The following CIMIP5 variants were observed in gnomAD, a reference collection of about 807,000 sequenced individuals.
CIMIP5 encodes the protein ciliary microtubule inner protein 5, also known as uncharacterized protein C2orf50.
chr2:11,133,280 GGT>G, the CIMIP5 span: 1 of 1,282,336 alleles, frequency 7.8e-7, no homozygotes, highest in Non-Finnish European at 1.0e-6. Context: ...CTCAGGCACA[GGT>G]CTCTCTCTCT....
At chr2:11,154,040 G>A in the CIMIP5 span, among the ~76,000 whole-genome samples, 1 of 152,026 alleles carries the variant, frequency 6.6e-6, no homozygotes, top group Admixed American at 6.5e-5. Context: ...GAAGTGGCGC[G>A]ATCTCGACTC....
the CIMIP5 span, chr2:11,133,204 G>A: frequency 4.4e-6 from 5 of 1,143,702 alleles, no homozygotes; most frequent in Non-Finnish European, 4.7e-6. Context: ...ACAGTGAGGA[G>A]GACCCTGCCC....
chr2:11,151,390 G>C, the CIMIP5 span, among the ~76,000 whole-genome samples: 1 of 152,234 alleles, frequency 6.6e-6, no homozygotes, highest in African/African-American at 2.4e-5. Context: ...CTGTTGAAGA[G>C]AGTCAGGGGG....
chr2:11,140,192 G>A, the CIMIP5 span, among the ~76,000 whole-genome samples: 1 of 150,428 alleles, frequency 6.6e-6, no homozygotes, highest in African/African-American at 2.5e-5. Context: ...TCGAGACCAC[G>A]GTGAAACCCC....
At chr2:11,148,490 A>G in the CIMIP5 span, among the ~76,000 whole-genome samples, 1 of 152,084 alleles carries the variant, frequency 6.6e-6, no homozygotes, top group Non-Finnish European at 1.5e-5. Context: ...TTCCTGTGCC[A>G]GAAACTAAGA....
chr2:11,143,962 C>G, the CIMIP5 span: 1 of 1,603,774 alleles, frequency 6.2e-7, no homozygotes, highest in Non-Finnish European at 8.5e-7. Context: ...CCATGTGCCT[C>G]TCTTTTCGGA....
At chr2:11,150,892 C>A in the CIMIP5 span, among the ~76,000 whole-genome samples, 1 of 151,306 alleles carries the variant, frequency 6.6e-6, no homozygotes, top group Non-Finnish European at 1.5e-5. Context: ...AAACAAAAAA[C>A]AAAACTTTAC....
the CIMIP5 span, among the ~76,000 whole-genome samples, chr2:11,150,661 G>A: frequency 1.2e-4 from 18 of 151,420 alleles, no homozygotes; most frequent in Non-Finnish European, 1.6e-4. Context: ...TAATGAAGGT[G>A]GGGGAATGGC....
At chr2:11,150,313 G>A in the CIMIP5 span, among the ~76,000 whole-genome samples, 10 of 142,874 alleles carry the variant, frequency 7.0e-5, no homozygotes, top group South Asian at 1.4e-3. Flanking sequence ...GTGGCTTAAC[G>A]AAAAATTTGT....
chr2:11,143,935 C>G, the CIMIP5 span: 38 of 1,592,284 alleles, frequency 2.4e-5, no homozygotes, highest in Admixed American at 6.9e-5. Flanking sequence ...CAAGAAGGAG[C>G]CTGAGAAGTT....
the CIMIP5 span, among the ~76,000 whole-genome samples, chr2:11,140,350 G>A: frequency 3.4e-5 from 5 of 146,410 alleles, no homozygotes; most frequent in Admixed American, 7.0e-5. Flanking sequence ...ACTCCAGCCT[G>A]GGTGACAGAG....
At chr2:11,151,719 T>A in the CIMIP5 span, among the ~76,000 whole-genome samples, 1 of 152,210 alleles carries the variant, frequency 6.6e-6, no homozygotes, top group Non-Finnish European at 1.5e-5. Flanking sequence ...CAGTGCAACC[T>A]GTGCCTCCTG....
At chr2:11,137,718 A>T in the CIMIP5 span, among the ~76,000 whole-genome samples, 1 of 152,248 alleles carries the variant, frequency 6.6e-6, no homozygotes, top group South Asian at 2.1e-4. Flanking sequence ...TGGAATTCCC[A>T]AAGAGGGGGA....
the CIMIP5 span, among the ~76,000 whole-genome samples, chr2:11,134,126 C>T: frequency 2.0e-5 from 3 of 152,068 alleles, no homozygotes; most frequent in Non-Finnish European, 2.9e-5. Flanking sequence ...AAGAAGGAAA[C>T]AGTTCAGGGT....
chr2:11,133,265 C>A, the CIMIP5 span: 1 of 1,495,472 alleles, frequency 6.7e-7, no homozygotes, highest in Non-Finnish European at 8.8e-7. Context: ...GAGGTTTGAG[C>A]TGAGCTCAGG....
At chr2:11,153,464 G>C in the CIMIP5 span, among the ~76,000 whole-genome samples, 3 of 152,214 alleles carry the variant, frequency 2.0e-5, no homozygotes, top group African/African-American at 7.2e-5. Flanking sequence ...ATAAAGGCTG[G>C]GGCAGAAGGG....
the CIMIP5 span, chr2:11,133,618 C>A: frequency 1.3e-6 from 2 of 1,559,496 alleles, no homozygotes; most frequent in Admixed American, 3.9e-5. Flanking sequence ...CCTTTTCCAC[C>A]CTGACTCCGC....
chr2:11,144,599 T>A, the CIMIP5 span: 1 of 152,172 alleles, frequency 6.6e-6, no homozygotes, highest in African/African-American at 2.4e-5. Context: ...AGATCACAAC[T>A]CTGACATGGG....
chr2:11,154,042 T>C, the CIMIP5 span, among the ~76,000 whole-genome samples: 1 of 152,100 alleles, frequency 6.6e-6, no homozygotes, highest in African/African-American at 2.4e-5. Context: ...AGTGGCGCGA[T>C]CTCGACTCAC....
Sources: allele counts gnomAD v4.1 joint callset (sites outside exome capture counted in the v4.1 genomes callset), GRCh38; gene constraint gnomAD v4.1.1; transcripts MANE v1.5; gene names NCBI Gene and HGNC (gene_info 2026-07-23, HGNC 2026-07-21).